Variants in PRDX4 observed in about 807,000 individuals in gnomAD.
PRDX4 encodes peroxiredoxin 4.
Under a neutral mutation model 20.5 loss-of-function variants are expected in PRDX4, and 12 were observed. The ratio of observed to expected loss-of-function variants is 0.58; its 90% CI spans 0.37 to 0.95. PRDX4 has a LOEUF of 0.95. Ranked by LOEUF, PRDX4 falls within the 40% of genes least tolerant of loss-of-function variation. The probability of loss-of-function intolerance (pLI) is 0.01; values close to 1 mark genes in which losing one functional copy is unlikely to be tolerated. For missense variants in PRDX4, 180 were observed against 207.3 expected, an observed-to-expected ratio of 0.87 and a Z score of 0.81; for synonymous variants, 99 against 87.5, an observed-to-expected ratio of 1.13 and a Z score of -0.73.
At chrX:23,672,005 G>A (rs1430723122) in intron 2 of PRDX4, among the ~76,000 whole-genome samples, 1 of 112,204 alleles carries the variant, frequency 8.9e-6, no homozygotes, top group Non-Finnish European at 1.9e-5. Flanking sequence ...AATTAATTCT[G>A]TAATCCCAGC....
chrX:23,671,793 A>G, intron 2 of PRDX4, 147 bp downstream of exon 2: 3 of 429,312 alleles, frequency 7.0e-6, no homozygotes, highest in Non-Finnish European at 1.2e-5. Context: ...AACATCTACC[A>G]TATATTTCAG....
rs1927752780 is a variant in PRDX4, at chrX:23,667,552, T to C, written c.-19T>C. On this transcript the variant is annotated 5_prime_UTR_variant, in exon 1 of 7. Transcript: ENST00000379341. ...AGCGGCGCTCGCGCCAAGGGACGTG[T>C]TTCTGCGCTCGCGTGGTCATGGAGG... is the stretch of plus-strand genomic sequence containing the variant. The C allele has an allele frequency of 1.7e-6, 2 of 1,171,395 alleles. No homozygotes were observed. Among genetic ancestry groups the C allele is most frequent in the Non-Finnish European group, 1.1e-6 (1 of 875,831 alleles).
intron 6 of PRDX4, among the ~76,000 whole-genome samples, chrX:23,684,959 G>A (rs139453759): frequency 0.021 from 2,314 of 111,825 alleles, 32 homozygotes; most frequent in Middle Eastern, 0.046. Context: ...TTGAAAGAAC[G>A]TCCAAACACA....
chrX:23,677,662 C>G (rs1425279528), intron 3 of PRDX4, among the ~76,000 whole-genome samples: 2 of 111,796 alleles, frequency 1.8e-5, no homozygotes, highest in African/African-American at 6.5e-5. Context: ...CCTGTCTGTT[C>G]AAGGCTTTAT....
chrX:23,680,350 A>C (rs1442300240), intron 4 of PRDX4, among the ~76,000 whole-genome samples: 1 of 111,956 alleles, frequency 8.9e-6, no homozygotes, highest in African/African-American at 3.2e-5. Context: ...GAGTAGGAAA[A>C]ATTAAGGAAA....
rs1211617943 is a variant in PRDX4 at position 23,679,270 on chromosome X, C to G, written c.582C>G (p.Asp194Glu). The G allele has an allele frequency of 8.3e-7, 1 of 1,204,594 alleles. No homozygotes were observed. The highest frequency in any genetic ancestry group is 1.1e-6 in the Non-Finnish European group (1 of 891,532). The change falls in exon 4 of 7, where the codon GAC becomes GAG. Residue 194 changes from aspartate (D) to glutamate (E), a missense_variant. This residue lies in a region of PRDX4 where 73 missense variants were observed against 76.5 expected (regional missense o/e 0.95). Transcript: ENST00000379341. Reference sequence around the variant, plus strand: ...AGGACTATGGTGTATACCTAGAGGACTCAGGCCACACTCTTAGGTACCTTT... The same window carrying G: ...AGGACTATGGTGTATACCTAGAGGAGTCAGGCCACACTCTTAGGTACCTTT... ...ISKDYGVYLEDSGHTLRGLFI... is the reference protein window; with the variant it reads ...ISKDYGVYLEESGHTLRGLFI...
intron 2 of PRDX4, 32 bp downstream of exon 2, chrX:23,671,678 C>G: frequency 9.8e-7 from 1 of 1,020,570 alleles, no homozygotes; most frequent in African/African-American, 1.9e-5. Flanking sequence ...CTAGTAAAAT[C>G]TCAGTCTTTA....
intron 5 of PRDX4, 118 bp from the exon 6 acceptor site, chrX:23,683,553 G>A: frequency 1.5e-6 from 1 of 674,173 alleles, no homozygotes. Flanking sequence ...TCGGTGGTCT[G>A]GAAATGTTCT....
chrX:23,671,590 G>A lies in PRDX4; in HGVS notation c.303G>A (p.Leu101=), dbSNP rs1433787683. The A allele has an allele frequency of 8.3e-7, 1 of 1,208,222 alleles. No individual in the cohort carries two copies. Among genetic ancestry groups the A allele is most frequent in the South Asian group, 1.8e-5 (1 of 56,165 alleles). The change falls in exon 2 of 7, where the codon CTG becomes CTA. Residue 101 remains leucine (L), a synonymous_variant. Coordinates refer to ENST00000379341, the MANE Select transcript of PRDX4 (RefSeq NM_006406.2). ...TGATCGATGGAGAATTTAAGGAGCTGAAGTTAACTGATTATCGTGGGAAAT... is the reference window on the plus strand; with the variant it reads ...TGATCGATGGAGAATTTAAGGAGCTAAAGTTAACTGATTATCGTGGGAAAT... The part of the protein sequence containing the change: ...TAVIDGEFKE[L]KLTDYRGKYL...
chrX:23,685,213 C>G (rs1389579636), intron 6 of PRDX4, among the ~76,000 whole-genome samples: 5 of 111,892 alleles, frequency 4.5e-5, no homozygotes, highest in Non-Finnish European at 7.5e-5. Flanking sequence ...TCACTGATCT[C>G]TGGGAACTTG....
chrX:23,674,518 T>C (rs1264434482), intron 2 of PRDX4, among the ~76,000 whole-genome samples: 13 of 108,249 alleles, frequency 1.2e-4, no homozygotes, highest in African/African-American at 4.4e-4. Context: ...AAAGGAGGGG[T>C]GGGGGTACTG....
At chrX:23,671,172 C>T (rs1391988835) in intron 1 of PRDX4, among the ~76,000 whole-genome samples, 1 of 112,313 alleles carries the variant, frequency 8.9e-6, no homozygotes, top group African/African-American at 3.2e-5. Flanking sequence ...TTTCTTGCTA[C>T]ATATGGTTAT....
chrX:23,672,564 C>T (rs928380878), intron 2 of PRDX4, among the ~76,000 whole-genome samples: 4 of 112,097 alleles, frequency 3.6e-5, no homozygotes, highest in African/African-American at 1.3e-4. Context: ...TTACAAAACA[C>T]TATTTTGAGT....
chrX:23,672,951 A>G (rs774287184), intron 2 of PRDX4, among the ~76,000 whole-genome samples: 2 of 112,311 alleles, frequency 1.8e-5, no homozygotes, highest in Admixed American at 1.9e-4. Flanking sequence ...TTTAAATTAT[A>G]AGAACTTGCT....
At chrX:23,674,011 G>A (rs1927897416) in intron 2 of PRDX4, among the ~76,000 whole-genome samples, 2 of 110,545 alleles carry the variant, frequency 1.8e-5, no homozygotes, top group East Asian at 2.9e-4. Context: ...TACATTTTTC[G>A]TTGTCAGCCA....
intron 6 of PRDX4, chrX:23,686,026 G>A (rs1047201363): frequency 6.9e-6 from 3 of 432,693 alleles, no homozygotes; most frequent in Non-Finnish European, 1.3e-5. Context: ...TACCATGAAA[G>A]CCTGGTGGCC....
Position 23,667,498 on chromosome X carries a change from C to T in PRDX4, c.-73C>T, listed in dbSNP as rs746197585. The T allele has an allele frequency of 1.4e-4, 156 of 1,096,998 alleles. No homozygotes were observed. The African/African-American group carries it at 2.4e-3, about 17-fold the overall frequency. The allele number at this position is 1,096,998 out of a possible 1,213,427, so 90.4% of individuals were successfully genotyped here. A position where few individuals can be genotyped will look rare whatever the true frequency, so the allele number is the denominator to read the frequency against. On this transcript the variant is annotated 5_prime_UTR_variant, in exon 1 of 7. It adds an upstream start codon to the 5' untranslated region. Coordinates refer to ENST00000379341, the MANE Select transcript of PRDX4 (RefSeq NM_006406.2). Reference sequence around the variant, plus strand: ...CCCCGGTTCGCGCGGGCGTCGTGCACGCGGTTGTAGCTGCCCGGCGGCGGC... The same window carrying T: ...CCCCGGTTCGCGCGGGCGTCGTGCATGCGGTTGTAGCTGCCCGGCGGCGGC...
In PRDX4 at chrX:23,682,475, G is replaced by A; in HGVS notation, c.679G>A (p.Glu227Lys). 3.4e-6 allele frequency: 4 copies of A among 1,183,212 alleles called. No individual in the cohort carries two copies. The highest frequency in any genetic ancestry group is 2.4e-4 in the Middle Eastern group (1 of 4,225). Residue 227 changes from glutamate (E) to lysine (K), a missense_variant, in exon 5 of 7, where the codon GAG (glutamate) becomes AAG (lysine). Coordinates refer to ENST00000379341, the MANE Select transcript of PRDX4 (RefSeq NM_006406.2). ...NDLPVGRSVD[E>K]TLRLVQAFQY... ...TCTTCCTGTGGGTAGATCAGTGGAT[G>A]AGACACTACGTTTGGTTCAAGCATT...
intron 2 of PRDX4, 44 bp from the exon 3 acceptor site, chrX:23,674,946 C>A: frequency 8.5e-7 from 1 of 1,183,011 alleles, no homozygotes; most frequent in Non-Finnish European, 1.1e-6. Flanking sequence ...TAGGTATATG[C>A]TTATTTGGAG....
Sources: gnomAD v4.1 joint callset for allele counts (sites outside exome capture counted in the v4.1 genomes callset) on GRCh38, gnomAD v4.1.1 for gene constraint, gnomAD v4.1.1 regional missense constraint, MANE v1.5 for transcripts, NCBI Gene and HGNC (gene_info 2026-07-23, HGNC 2026-07-21) for gene names.